PTPRT: variants seen among roughly 807,000 people sequenced by gnomAD.
PTPRT encodes the protein protein tyrosine phosphatase receptor type T.
A neutral mutation model predicts 176.8 loss-of-function variants in PTPRT; 56 were observed. That is an observed-to-expected ratio of 0.32 (90% CI 0.26 to 0.40). PTPRT has a LOEUF of 0.40. Among genes scored for constraint, PTPRT ranks in the 10% least tolerant of loss-of-function variants. The pLI is 1.00. For synonymous variants in PTPRT, 783 were observed against 739.0 expected (o/e 1.06, Z -0.96); for missense variants, 1,540 against 1,908.2 (o/e 0.81, Z 3.60).
chr20:42,774,410 C>T (rs1045543336), intron 4 of PTPRT, among the ~76,000 whole-genome samples: 5 of 152,154 alleles, frequency 3.3e-5, no homozygotes, highest in African/African-American at 9.7e-5. Context: ...AAGGGGGCAG[C>T]TCCTACTTAA....
chr20:42,934,140 C>T (rs1196986235), intron 1 of PTPRT, among the ~76,000 whole-genome samples: 2 of 152,276 alleles, frequency 1.3e-5, no homozygotes, highest in Non-Finnish European at 2.9e-5. Flanking sequence ...TGAGAATTTA[C>T]CCATCTCATT....
Position 42,363,270 on chromosome 20 carries a change from T to TTTTATATATATA in PTPRT, c.1561-10986_1561-10985insTATATATATAAA, listed in dbSNP as rs1312740759. Among the ~76,000 whole-genome samples, 17 of 30,382 alleles carry TTTTATATATATA rather than the reference T, an allele frequency of 5.6e-4. 1 individual carries two copies. Among genetic ancestry groups the TTTTATATATATA allele is most frequent in the Non-Finnish European group, 6.9e-4 (12 of 17,462 alleles). 19.9% of individuals were successfully genotyped at this position (30,382 alleles called of 152,430 possible). Reference sequence around the variant, plus strand: ...ACATTCTTGCAGCAATTTATTACAATTATATATATATATATATATATATAT... The same window carrying TTTTATATATATA: ...ACATTCTTGCAGCAATTTATTACAATTTTATATATATATATATATATATATATATATATATAT... On this transcript the variant is annotated intron_variant, in intron 9 of 30. Coordinates refer to ENST00000373187, the MANE Select transcript of PTPRT (RefSeq NM_007050.6).
At chr20:42,805,452 G>C (rs1488308623) in intron 2 of PTPRT, among the ~76,000 whole-genome samples, 1 of 152,182 alleles carries the variant, frequency 6.6e-6, no homozygotes, top group African/African-American at 2.4e-5. Context: ...GATGTTGCAG[G>C]TTAGTTTCAC....
chr20:42,900,512 C>T (rs1335761263), intron 1 of PTPRT, among the ~76,000 whole-genome samples: 1 of 152,160 alleles, frequency 6.6e-6, no homozygotes, highest in Admixed American at 6.5e-5. Context: ...TGGCTAAAAT[C>T]TTGCTTCAGT....
At chr20:42,255,698 A>G (rs6093601) in intron 13 of PTPRT, among the ~76,000 whole-genome samples, 3,264 of 152,348 alleles carry the variant, frequency 0.021, 113 homozygotes, top group African/African-American at 0.073. Context: ...GACAGGCCCA[A>G]TTCTAGAGCT....
intron 12 of PTPRT, among the ~76,000 whole-genome samples, chr20:42,305,622 C>CGTGTATGTGTGTGT (rs539672491): frequency 0.063 from 9,492 of 151,716 alleles, 360 homozygotes; most frequent in African/African-American, 0.1. Context: ...TGTGTGTGTG[C>CGTGTATGTGTGTGT]GTGTATGTGT....
At chr20:42,546,843 T>C (rs6072789) in intron 7 of PTPRT, among the ~76,000 whole-genome samples, 55,828 of 152,048 alleles carry the variant, frequency 0.37, 10,322 homozygotes, top group Admixed American at 0.41. Context: ...TTACCCACTA[T>C]GTTTGCTCAT....
chr20:42,653,090 TG>T (rs2075061112), intron 7 of PTPRT, among the ~76,000 whole-genome samples: 2 of 152,156 alleles, frequency 1.3e-5, no homozygotes, highest in South Asian at 4.2e-4. Flanking sequence ...TCACATGTCG[TG>T]GGAGGGACCC....
chr20:42,267,481 C>T (rs2056858755), intron 13 of PTPRT, among the ~76,000 whole-genome samples: 1 of 152,150 alleles, frequency 6.6e-6, no homozygotes, highest in Non-Finnish European at 1.5e-5. Context: ...TCACGTGACT[C>T]TAAGAAATTT....
Position 42,128,813 on chromosome 20 carries a change from T to G in PTPRT, c.2788A>C (p.Arg930=), listed in dbSNP as rs200871809. 220 of 1,606,516 alleles carry G rather than the reference T, an allele frequency of 1.4e-4. 2 individuals are homozygous for G. Among genetic ancestry groups the G allele is most frequent in the South Asian group, 1.3e-3 (117 of 89,856 alleles). The part of the protein sequence containing the change: ...NIISYDHSRV[R]LLVLDGDPHS... Reference sequence around the variant, plus strand: ...GGGTCTCCATCCAGCACCAGCAGCCTCACCCGGGAATGGTCGTCTGCAGAG... The same window carrying G: ...GGGTCTCCATCCAGCACCAGCAGCCGCACCCGGGAATGGTCGTCTGCAGAG... Residue 930 remains arginine (R), a synonymous_variant, in exon 19 of 31, where the codon AGG becomes CGG. Transcript: ENST00000373187.
intron 7 of PTPRT, among the ~76,000 whole-genome samples, chr20:42,474,700 C>T (rs926045417): frequency 1.3e-5 from 2 of 152,150 alleles, no homozygotes; most frequent in African/African-American, 2.4e-5. Flanking sequence ...CTAAACATCT[C>T]GCAGTTGTAC....
chr20:42,930,304 C>T (rs1979750871), intron 1 of PTPRT, among the ~76,000 whole-genome samples: 1 of 152,126 alleles, frequency 6.6e-6, no homozygotes, highest in Non-Finnish European at 1.5e-5. Context: ...GGATCCCTGC[C>T]ACTGCAGGTC....
chr20:42,651,789 A>G (rs970284), intron 7 of PTPRT, among the ~76,000 whole-genome samples: 126,150 of 152,066 alleles, frequency 0.83, 52,588 homozygotes, highest in East Asian at 0.95. Flanking sequence ...GCTCATGCCT[A>G]TAATCCCAGC....
chr20:42,208,254 C>G (rs2055525155), intron 15 of PTPRT, among the ~76,000 whole-genome samples: 1 of 121,234 alleles, frequency 8.2e-6, no homozygotes, highest in South Asian at 2.7e-4. Context: ...AAATCACCAG[C>G]TAACGTCATA....
chr20:42,473,872 G>A (rs1469113425), intron 7 of PTPRT, among the ~76,000 whole-genome samples: 1 of 152,090 alleles, frequency 6.6e-6, no homozygotes, highest in Non-Finnish European at 1.5e-5. Flanking sequence ...GGAGGAGTCA[G>A]GCACAGGCTG....
At chr20:42,381,920 A>G (rs574784641) in intron 9 of PTPRT, among the ~76,000 whole-genome samples, 2 of 152,344 alleles carry the variant, frequency 1.3e-5, no homozygotes, top group Admixed American at 6.5e-5. Context: ...AATGTGTAAC[A>G]TAGCGATATT....
chr20:42,601,648 T>G (rs970801627), intron 7 of PTPRT, among the ~76,000 whole-genome samples: 4 of 152,182 alleles, frequency 2.6e-5, no homozygotes, highest in African/African-American at 9.7e-5. Context: ...AAAAGGATCC[T>G]TTTGTTTTTC....
intron 8 of PTPRT, among the ~76,000 whole-genome samples, chr20:42,464,804 G>A (rs1211150609): frequency 2.0e-5 from 3 of 151,652 alleles, no homozygotes; most frequent in African/African-American, 7.3e-5. Context: ...CCCTTTTCCC[G>A]GTTTTACATG....
chr20:42,786,117 C>A (rs925844667), intron 3 of PTPRT, among the ~76,000 whole-genome samples: 8 of 152,190 alleles, frequency 5.3e-5, no homozygotes, highest in East Asian at 1.9e-4. Flanking sequence ...GTAAGATGTG[C>A]CTGCTTCCCT....
Sources: allele counts gnomAD v4.1 joint callset (sites outside exome capture counted in the v4.1 genomes callset), GRCh38; gene constraint gnomAD v4.1.1; transcripts MANE v1.5; gene names NCBI Gene and HGNC (gene_info 2026-07-23, HGNC 2026-07-21).